CDC42: variants seen among roughly 807,000 people sequenced by gnomAD.
CDC42 encodes cell division cycle 42, also known as cell division control protein 42 homolog.
CDC42 carries 1 observed loss-of-function variant against 20.8 expected under a neutral mutation model. That is an observed-to-expected ratio of 0.05 (90% CI 0.02 to 0.23). The LOEUF (loss-of-function observed/expected upper bound fraction) is 0.23. Ranked by LOEUF, CDC42 falls within the 10% of genes least tolerant of loss-of-function variation. The probability of loss-of-function intolerance (pLI) is 1.00; values close to 1 mark genes in which losing one functional copy is unlikely to be tolerated. For synonymous variants in CDC42, 72 were observed against 84.8 expected (o/e 0.85, Z 0.83); for missense variants, 49 against 227.9 (o/e 0.21, Z 5.05).
intron 3 of CDC42, among the ~76,000 whole-genome samples, chr1:22,083,628 G>A (rs911772215): frequency 6.6e-6 from 1 of 151,918 alleles, no homozygotes; most frequent in Non-Finnish European, 1.5e-5. Flanking sequence ...ATCGTTTTAA[G>A]TGTTCAGTGT....
At chr1:22,084,902 T>G (rs948513200) in intron 3 of CDC42, among the ~76,000 whole-genome samples, 3 of 152,108 alleles carry the variant, frequency 2.0e-5, no homozygotes, top group Admixed American at 6.6e-5. Flanking sequence ...GAAGAGTCCT[T>G]TTACCACTGA....
In CDC42 at chr1:22,101,327, G is replaced by C. The variant is rs988041429; in HGVS notation, c.*9810G>C. 3 of 152,118 alleles carry C rather than the reference G, an allele frequency of 2.0e-5. No homozygotes were observed. The highest frequency in any genetic ancestry group is 1.3e-4 in the Admixed American group (2 of 15,282). 9.4% of individuals were successfully genotyped at this position (152,118 alleles called of 1,614,324 possible). On this transcript the variant is annotated 3_prime_UTR_variant, in exon 6 of 6. Coordinates refer to ENST00000656825, the MANE Select transcript of CDC42 (RefSeq NM_001791.4). Reference sequence around the variant, plus strand: ...AAGTTGCCATACCTTTTTGGGCCTTGGTTTCCTCATCTCAATAAAATGAGT... The same window carrying C: ...AAGTTGCCATACCTTTTTGGGCCTTCGTTTCCTCATCTCAATAAAATGAGT...
At chr1:22,065,695 C>T (rs540320087) in intron 1 of CDC42, among the ~76,000 whole-genome samples, 27 of 146,588 alleles carry the variant, frequency 1.8e-4, no homozygotes, top group African/African-American at 6.3e-4. Context: ...AGTAACTTGC[C>T]AGGATCGTAC....
rs1031019230 is a variant in CDC42, at chr1:22,091,945, C to G, written c.*428C>G. Reference sequence around the variant, plus strand: ...GTGTTTTGTTTTGTTTTTTTCCCTCCTCTTTTTTTTGGGGGGGAGTGTGTG... The same window carrying G: ...GTGTTTTGTTTTGTTTTTTTCCCTCGTCTTTTTTTTGGGGGGGAGTGTGTG... On this transcript the variant is annotated 3_prime_UTR_variant, in exon 6 of 6. Coordinates refer to ENST00000656825, the MANE Select transcript of CDC42 (RefSeq NM_001791.4). 7 of 152,926 alleles carry G rather than the reference C, an allele frequency of 4.6e-5. No homozygotes were observed. Among genetic ancestry groups the G allele is most frequent in the African/African-American group, 1.7e-4 (7 of 41,240 alleles). 9.5% of individuals were successfully genotyped at this position (152,926 alleles called of 1,614,324 possible). A position where few individuals can be genotyped will look rare whatever the true frequency, so the allele number is the denominator to read the frequency against.
chr1:22,058,121 A>G (rs946797649), intron 1 of CDC42, among the ~76,000 whole-genome samples: 4 of 152,188 alleles, frequency 2.6e-5, no homozygotes, highest in Non-Finnish European at 5.9e-5. Context: ...ACCCATCAGC[A>G]TAAGTGTCAC....
In CDC42 at chr1:22,096,531, C is replaced by T. The variant is rs886109911; in HGVS notation, c.*5014C>T. Among the ~76,000 whole-genome samples, 1 of 152,204 alleles carries T rather than the reference C, an allele frequency of 6.6e-6. No homozygotes were observed. Among genetic ancestry groups the T allele is most frequent in the African/African-American group, 2.4e-5 (1 of 41,442 alleles). Reference sequence around the variant, plus strand: ...TGTCATTATTTATCAAAAACCTGTTCCCTTCCCTGGCACTGGAGACATTGG... The same window carrying T: ...TGTCATTATTTATCAAAAACCTGTTTCCTTCCCTGGCACTGGAGACATTGG... On this transcript the variant is annotated 3_prime_UTR_variant, in exon 6 of 6. Coordinates refer to ENST00000656825, the MANE Select transcript of CDC42 (RefSeq NM_001791.4).
chr1:22,058,237 A>C (rs1354924450), intron 1 of CDC42, among the ~76,000 whole-genome samples: 1 of 152,074 alleles, frequency 6.6e-6, no homozygotes, highest in African/African-American at 2.4e-5. Context: ...GGCTTGAAGC[A>C]CCCTCTTCAG....
At position 22,093,199 on chromosome 1, in the gene CDC42, G is replaced by C. The variant is rs1346369872; in HGVS notation, c.*1682G>C. Among the ~76,000 whole-genome samples the C allele has an allele frequency of 6.6e-6, 1 of 152,196 alleles. No homozygotes were observed. Among genetic ancestry groups the C allele is most frequent in the African/African-American group, 2.4e-5 (1 of 41,452 alleles). ...GTCCATAATAATTCTTAGTGAAGCAGTGTTCAGGAAGCTCACTGCTCATGG... is the reference window on the plus strand; with the variant it reads ...GTCCATAATAATTCTTAGTGAAGCACTGTTCAGGAAGCTCACTGCTCATGG... On this transcript the variant is annotated 3_prime_UTR_variant, in exon 6 of 6. Transcript: ENST00000656825.
rs753180913 is a variant in CDC42, at chr1:22,098,044, C to A, written c.*6527C>A. On this transcript the variant is annotated 3_prime_UTR_variant, in exon 6 of 6. Coordinates refer to ENST00000656825, the MANE Select transcript of CDC42 (RefSeq NM_001791.4). ...CTGTTCTGTTTGCTCTGATGCGTCC[C>A]GCAGAGCAGTGCTTTTTCTCGGTGT... Among the ~76,000 whole-genome samples, 1 of 152,024 alleles carries A rather than the reference C, an allele frequency of 6.6e-6. No homozygotes were observed. Among genetic ancestry groups the A allele is most frequent in the African/African-American group, 2.4e-5 (1 of 41,364 alleles).
chr1:22,060,794 C>G (rs546636406), intron 1 of CDC42, among the ~76,000 whole-genome samples: 33 of 152,206 alleles, frequency 2.2e-4, no homozygotes, highest in Non-Finnish European at 4.1e-4. Flanking sequence ...ATATCACTTG[C>G]TTGCCTAAAA....
chr1:22,054,891 GTATATATA>G (rs1157685736), intron 1 of CDC42, among the ~76,000 whole-genome samples: 9,359 of 71,866 alleles, frequency 0.13, 634 homozygotes, highest in Non-Finnish European at 0.14. Flanking sequence ...TTGAATTTAT[GTATATATA>G]TATATATATA....
chr1:22,072,671 C>T (rs902097459), intron 1 of CDC42, among the ~76,000 whole-genome samples: 4 of 152,092 alleles, frequency 2.6e-5, no homozygotes, highest in Non-Finnish European at 4.4e-5. Flanking sequence ...TGACCAGCCC[C>T]ATCCTGAGGC....
chr1:22,080,780 A>T (rs1645598966), intron 2 of CDC42, among the ~76,000 whole-genome samples: 1 of 152,180 alleles, frequency 6.6e-6, no homozygotes, highest in South Asian at 2.1e-4. Flanking sequence ...ACTGAATTTG[A>T]TAAGGGTTTT....
At chr1:22,088,832 AT>A (rs1645688186) in intron 5 of CDC42, among the ~76,000 whole-genome samples, 1 of 152,174 alleles carries the variant, frequency 6.6e-6, no homozygotes, top group South Asian at 2.1e-4. Context: ...TTGCAGTGGA[AT>A]TTTAACTTTT....
intron 1 of CDC42, among the ~76,000 whole-genome samples, chr1:22,065,023 G>A (rs12079429): frequency 0.011 from 1,681 of 152,278 alleles, 30 homozygotes; most frequent in African/African-American, 0.038. Context: ...GATAGTAAGA[G>A]TTCATAGTTG....
intron 1 of CDC42, among the ~76,000 whole-genome samples, chr1:22,071,755 T>G (rs970838588): frequency 2.0e-5 from 3 of 152,204 alleles, no homozygotes; most frequent in Non-Finnish European, 4.4e-5. Context: ...TCTTCTTTCT[T>G]GTATCCTAAG....
At chr1:22,090,186 G>T (rs1322989952) in intron 5 of CDC42, 3 of 1,330,356 alleles carry the variant, frequency 2.3e-6, no homozygotes, top group Admixed American at 3.2e-5. Context: ...TTTTGATCAA[G>T]AATGCAATAT....
intron 1 of CDC42, among the ~76,000 whole-genome samples, chr1:22,056,382 A>G (rs1645305037): frequency 6.6e-6 from 1 of 152,182 alleles, no homozygotes; most frequent in Non-Finnish European, 1.5e-5. Flanking sequence ...ACAATTTACC[A>G]TCACTTAGAA....
At chr1:22,084,923 C>T (rs1044234605) in intron 3 of CDC42, among the ~76,000 whole-genome samples, 1 of 152,078 alleles carries the variant, frequency 6.6e-6, no homozygotes, top group African/African-American at 2.4e-5. Context: ...ATGGTCTTGG[C>T]ACCCTTATCA....
Sources: allele counts gnomAD v4.1 joint callset (sites outside exome capture counted in the v4.1 genomes callset), GRCh38; gene constraint gnomAD v4.1.1; transcripts MANE v1.5; gene names NCBI Gene and HGNC (gene_info 2026-07-23, HGNC 2026-07-21).